Variants in EYA4 observed in about 807,000 individuals in gnomAD.
EYA4 encodes the protein protein phosphatase EYA4.
A neutral mutation model predicts 87.9 loss-of-function variants in EYA4; 31 were observed. The observed-to-expected ratio is 0.35, with a 90% CI of 0.27 to 0.48. The LOEUF is 0.48. Ranked by LOEUF, EYA4 falls within the 20% of genes least tolerant of loss-of-function variation. The pLI, the probability that EYA4 is intolerant of heterozygous loss-of-function variation, is 0.99. For synonymous variants in EYA4, 263 were observed against 270.6 expected (o/e 0.97, Z 0.28); for missense variants, 678 against 761.4 (o/e 0.89, Z 1.29).
At chr6:133,416,418 T>G (rs1375895230) in intron 3 of EYA4, among the ~76,000 whole-genome samples, 3 of 152,184 alleles carry the variant, frequency 2.0e-5, no homozygotes, top group East Asian at 1.9e-4. Context: ...TTTTTTTTCC[T>G]GAAGTCAATT....
intron 2 of EYA4, among the ~76,000 whole-genome samples, chr6:133,302,025 G>A (rs1445136735): frequency 6.6e-6 from 1 of 152,160 alleles, no homozygotes; most frequent in Non-Finnish European, 1.5e-5. Flanking sequence ...AGGGAGAAGG[G>A]TATTCCAGAT....
chr6:133,304,895 A>T (rs1779690349), intron 2 of EYA4, among the ~76,000 whole-genome samples: 1 of 152,166 alleles, frequency 6.6e-6, no homozygotes, highest in Non-Finnish European at 1.5e-5. Context: ...TGGTGGTGAG[A>T]TAGATAAGAA....
At chr6:133,391,958 A>G (rs1007212852) in intron 3 of EYA4, among the ~76,000 whole-genome samples, 1 of 152,196 alleles carries the variant, frequency 6.6e-6, no homozygotes, top group Non-Finnish European at 1.5e-5. Flanking sequence ...CTAATTAGAG[A>G]CAACTCAATG....
At chr6:133,404,630 C>A (rs1380527155) in intron 3 of EYA4, among the ~76,000 whole-genome samples, 1 of 152,174 alleles carries the variant, frequency 6.6e-6, no homozygotes. Flanking sequence ...TCATAGAGAG[C>A]AATTCCAGTT....
intron 3 of EYA4, among the ~76,000 whole-genome samples, chr6:133,412,076 A>C (rs539764425): frequency 6.6e-6 from 1 of 152,308 alleles, no homozygotes; most frequent in Admixed American, 6.5e-5. Context: ...GTAGAGGGTT[A>C]TTAAGCTTCT....
intron 6 of EYA4, among the ~76,000 whole-genome samples, chr6:133,459,342 C>A (rs1042214289): frequency 2.6e-5 from 4 of 152,032 alleles, no homozygotes; most frequent in Admixed American, 2.0e-4. Flanking sequence ...CCTATATATT[C>A]AGAATTGAGT....
chr6:133,244,336 A>G (rs1774229010), intron 1 of EYA4, among the ~76,000 whole-genome samples: 1 of 152,140 alleles, frequency 6.6e-6, no homozygotes, highest in African/African-American at 2.4e-5. Flanking sequence ...CTCATTTCCA[A>G]AATAAAACGT....
At chr6:133,375,135 C>T (rs1038013264) in intron 2 of EYA4, among the ~76,000 whole-genome samples, 1 of 151,936 alleles carries the variant, frequency 6.6e-6, no homozygotes, top group Non-Finnish European at 1.5e-5. Flanking sequence ...AGTGTTGACA[C>T]ATTTTTAGCC....
Position 133,399,525 on chromosome 6 carries a change from A to G in EYA4, c.83+17084A>G, listed in dbSNP as rs542946193. ...GAGGCTACTTATGTTTTAAATCAAG[A>G]ATATGTTTTCAGTGAAAATACTCTC... On this transcript the variant is annotated intron_variant, in intron 3 of 19. Transcript: ENST00000355286. Among the ~76,000 whole-genome samples, 6 of 152,318 alleles carry G rather than the reference A, an allele frequency of 3.9e-5. No individual in the cohort carries two copies. In the East Asian group the frequency reaches 1.2e-3, roughly 29 times the overall value.
chr6:133,304,015 C>T (rs1180602286), intron 2 of EYA4, among the ~76,000 whole-genome samples: 1 of 152,140 alleles, frequency 6.6e-6, no homozygotes, highest in Non-Finnish European at 1.5e-5. Flanking sequence ...CAGTGCTTCA[C>T]ATGCAGAAGG....
At chr6:133,350,909 A>G (rs1319977341) in intron 2 of EYA4, among the ~76,000 whole-genome samples, 1 of 151,974 alleles carries the variant, frequency 6.6e-6, no homozygotes, top group Non-Finnish European at 1.5e-5. Flanking sequence ...GATAATATCA[A>G]TTATCAATTC....
chr6:133,427,868 C>G (rs1182055041), intron 3 of EYA4, among the ~76,000 whole-genome samples: 3 of 145,978 alleles, frequency 2.1e-5, no homozygotes, highest in Non-Finnish European at 2.9e-5. Context: ...GAGTGAATAA[C>G]TAAGATTCTG....
chr6:133,482,908 A>G (rs1004983671), intron 12 of EYA4, 124 bp from the exon 13 acceptor site: 72 of 796,820 alleles, frequency 9.0e-5, no homozygotes, highest in Non-Finnish European at 3.4e-5. Flanking sequence ...AAAAAAATGA[A>G]TAGTATTATT....
intron 17 of EYA4, among the ~76,000 whole-genome samples, chr6:133,516,469 T>C (rs1056332581): frequency 1.3e-5 from 2 of 151,808 alleles, no homozygotes; most frequent in Non-Finnish European, 1.5e-5. Flanking sequence ...TCCCAGCACT[T>C]TGGGAGGCCG....
intron 2 of EYA4, among the ~76,000 whole-genome samples, chr6:133,347,477 A>G (rs933466065): frequency 6.6e-6 from 1 of 152,162 alleles, no homozygotes; most frequent in Non-Finnish European, 1.5e-5. Context: ...TACATTTAAA[A>G]TGGTGATTAT....
chr6:133,245,892 A>T (rs1218753293), intron 1 of EYA4, among the ~76,000 whole-genome samples: 1 of 152,214 alleles, frequency 6.6e-6, no homozygotes, highest in Admixed American at 6.5e-5. Flanking sequence ...ACATTAATAT[A>T]TGCTTTGGTG....
chr6:133,463,057 G>A (rs1794537202), intron 9 of EYA4, among the ~76,000 whole-genome samples: 1 of 152,122 alleles, frequency 6.6e-6, no homozygotes. Context: ...CACACATTTG[G>A]CGTCTACTTA....
At chr6:133,396,172 A>T (rs2128505137) in intron 3 of EYA4, among the ~76,000 whole-genome samples, 1 of 152,308 alleles carries the variant, frequency 6.6e-6, no homozygotes, top group East Asian at 1.9e-4. Context: ...CTTGGCTTCC[A>T]TAGGAAGCTC....
At chr6:133,261,464 A>G (rs1011562078) in intron 1 of EYA4, among the ~76,000 whole-genome samples, 1 of 152,158 alleles carries the variant, frequency 6.6e-6, no homozygotes, top group Non-Finnish European at 1.5e-5. Context: ...TTTATTGATT[A>G]TATCAGTCTC....
Sources: gnomAD v4.1 joint callset for allele counts (sites outside exome capture counted in the v4.1 genomes callset) on GRCh38, gnomAD v4.1.1 for gene constraint, MANE v1.5 for transcripts, NCBI Gene and HGNC (gene_info 2026-07-23, HGNC 2026-07-21) for gene names.